CORO2B: variants seen among roughly 807,000 people sequenced by gnomAD.
CORO2B encodes coronin-2B.
A neutral mutation model predicts 58.8 loss-of-function variants in CORO2B; 26 were observed. The observed-to-expected ratio is 0.44, with a 90% confidence interval of 0.32 to 0.61. CORO2B has a LOEUF of 0.61. CORO2B is among the 20% of genes least tolerant of loss of function. The pLI, the probability that CORO2B is intolerant of heterozygous loss-of-function variation, is 0.04. For synonymous variants in CORO2B, 242 were observed against 253.8 expected, an observed-to-expected ratio of 0.95 and a Z score of 0.44; for missense variants, 460 against 645.1, an observed-to-expected ratio of 0.71 and a Z score of 3.11.
chr15:68,664,294 A>T (rs766332813), intron 2 of CORO2B, among the ~76,000 whole-genome samples: 1 of 152,190 alleles, frequency 6.6e-6, no homozygotes, highest in Non-Finnish European at 1.5e-5. Flanking sequence ...TTGAGATTGC[A>T]ATAATTTATA....
chr15:68,654,767 G>T lies in CORO2B; in HGVS notation c.216+9407G>T, dbSNP rs150402957. ...AAACGGGAGCCATGGTGATGCCAAG[G>T]ACTGTTACCCATCTCCAGGCCACCC... is the stretch of plus-strand genomic sequence containing the variant. On this transcript the variant is annotated intron_variant, in intron 2 of 11. Transcript: ENST00000261861. Among the ~76,000 whole-genome samples, 117 of 152,326 alleles carry T rather than the reference G, an allele frequency of 7.7e-4. 2 individuals carry two copies. In the East Asian group the frequency reaches 0.018, roughly 24 times the overall value.
chr15:68,520,661 A>G, the CORO2B span, among the ~76,000 whole-genome samples: 1 of 152,252 alleles, frequency 6.6e-6, no homozygotes, highest in Non-Finnish European at 1.5e-5. Context: ...CTATTTTTAT[A>G]AGTCAAATAT....
At chr15:68,525,344 A>G in the CORO2B span, among the ~76,000 whole-genome samples, 1 of 152,356 alleles carries the variant, frequency 6.6e-6, no homozygotes, top group Admixed American at 6.5e-5. Flanking sequence ...TTTCTGTGAA[A>G]CATTGCTGGA....
At chr15:68,547,153 A>C in the CORO2B span, among the ~76,000 whole-genome samples, 2 of 152,210 alleles carry the variant, frequency 1.3e-5, no homozygotes, top group African/African-American at 4.8e-5. Flanking sequence ...AGAGGTTTTC[A>C]GGCCAAATAT....
chr15:68,615,748 C>T (rs1900338557), intron 1 of CORO2B, among the ~76,000 whole-genome samples: 1 of 152,196 alleles, frequency 6.6e-6, no homozygotes, highest in Non-Finnish European at 1.5e-5. Context: ...AGAAAGTGGG[C>T]CATCACCAGA....
rs140976937 is a variant in CORO2B, at chr15:68,600,041, G to A, written c.15+20764G>A. Among the ~76,000 whole-genome samples the A allele has an allele frequency of 1.1e-4, 16 of 152,318 alleles. No homozygotes were observed. In the East Asian group the frequency reaches 2.3e-3, roughly 22 times the overall value. ...AGGGGACCTGGGGCTGGCAGAGGGA[G>A]TAGAGACAGTTTCTGTGTGTAGCCT... On this transcript the variant is annotated intron_variant, in intron 1 of 11. Transcript: ENST00000261861.
intron 6 of CORO2B, 87 bp downstream of exon 6, chr15:68,714,128 G>A (rs8028289): frequency 0.015 from 12,342 of 829,252 alleles, 707 homozygotes; most frequent in African/African-American, 0.15. Flanking sequence ...AGGAGCCTGG[G>A]CCCGCACACC....
intron 1 of CORO2B, among the ~76,000 whole-genome samples, chr15:68,599,837 C>G (rs184718887): frequency 6.6e-6 from 1 of 152,180 alleles, no homozygotes; most frequent in Non-Finnish European, 1.5e-5. Context: ...TAATTGTGCT[C>G]GAGGCCTGAG....
chr15:68,566,644 G>A, the CORO2B span, among the ~76,000 whole-genome samples: 4 of 152,104 alleles, frequency 2.6e-5, no homozygotes, highest in Admixed American at 2.6e-4. Flanking sequence ...TGCTCCACAG[G>A]CCTCCCCTGT....
chr15:68,689,263 G>T (rs1203833053), intron 2 of CORO2B, among the ~76,000 whole-genome samples: 1 of 151,914 alleles, frequency 6.6e-6, no homozygotes, highest in Non-Finnish European at 1.5e-5. Flanking sequence ...CTCTGCCCCA[G>T]CTCTGTTGAG....
chr15:68,700,242 A>G (rs1892608604), intron 3 of CORO2B, among the ~76,000 whole-genome samples: 1 of 152,190 alleles, frequency 6.6e-6, no homozygotes, highest in Non-Finnish European at 1.5e-5. Context: ...TGTGCCAGGC[A>G]CTGTGCTACA....
At chr15:68,700,044 G>T (rs762532945) in intron 3 of CORO2B, among the ~76,000 whole-genome samples, 1 of 152,176 alleles carries the variant, frequency 6.6e-6, no homozygotes, top group Non-Finnish European at 1.5e-5. Context: ...CAGCTTCCAG[G>T]GGGTGGACAG....
intron 1 of CORO2B, among the ~76,000 whole-genome samples, chr15:68,629,785 C>A (rs1040386405): frequency 1.6e-5 from 2 of 123,560 alleles, no homozygotes; most frequent in Non-Finnish European, 3.4e-5. Context: ...GGACCCAACT[C>A]GCTGTGGAGT....
intron 1 of CORO2B, among the ~76,000 whole-genome samples, chr15:68,612,512 G>GA (rs1900269065): frequency 6.6e-6 from 1 of 152,192 alleles, no homozygotes; most frequent in South Asian, 2.1e-4. Flanking sequence ...GGTAGAGCAG[G>GA]AAAACTGAGA....
At chr15:68,675,955 T>C (rs1567004974) in intron 2 of CORO2B, among the ~76,000 whole-genome samples, 1 of 151,828 alleles carries the variant, frequency 6.6e-6, no homozygotes, top group Non-Finnish European at 1.5e-5. Flanking sequence ...TATAGTATAA[T>C]AATAGAACAG....
intron 2 of CORO2B, among the ~76,000 whole-genome samples, chr15:68,648,782 G>A (rs1265142739): frequency 1.3e-5 from 2 of 152,224 alleles, no homozygotes; most frequent in Admixed American, 1.3e-4. Flanking sequence ...ATAATCATCA[G>A]TATTGCCAAA....
At chr15:68,561,084 G>A in the CORO2B span, among the ~76,000 whole-genome samples, 3 of 152,114 alleles carry the variant, frequency 2.0e-5, no homozygotes, top group Admixed American at 1.3e-4. Context: ...CCTCCACCCC[G>A]CGTCCCCCAG....
At chr15:68,669,042 C>T (rs1567002145) in intron 2 of CORO2B, among the ~76,000 whole-genome samples, 2 of 148,330 alleles carry the variant, frequency 1.3e-5, no homozygotes, top group African/African-American at 5.0e-5. Flanking sequence ...CACACCACTG[C>T]ACTCCTCCAT....
At chr15:68,600,630 C>A (rs772654722) in intron 1 of CORO2B, among the ~76,000 whole-genome samples, 15 of 152,198 alleles carry the variant, frequency 9.9e-5, no homozygotes, top group Non-Finnish European at 1.6e-4. Flanking sequence ...TACCCTTGTG[C>A]CCACTATGAC....
Sources: allele counts gnomAD v4.1 joint callset (sites outside exome capture counted in the v4.1 genomes callset), GRCh38; gene constraint gnomAD v4.1.1; transcripts MANE v1.5; gene names NCBI Gene and HGNC (gene_info 2026-07-23, HGNC 2026-07-21).